The following GREB1L variants were observed in gnomAD, a reference collection of about 807,000 sequenced individuals.
GREB1L encodes GREB1-like protein.
Under a neutral mutation model 200.8 loss-of-function variants are expected in GREB1L, and 17 were observed. The observed-to-expected ratio is 0.08, with a 90% CI of 0.06 to 0.13. GREB1L has a LOEUF of 0.13. GREB1L is among the 10% of genes least tolerant of loss of function. The pLI is 1.00. For synonymous variants in GREB1L, 789 were observed against 893.0 expected, an observed-to-expected ratio of 0.88 and a Z score of 2.08; for missense variants, 1,657 against 2,367.7, an observed-to-expected ratio of 0.70 and a Z score of 6.23.
chr18:21,410,089 T>G (rs1017954175), intron 7 of GREB1L, among the ~76,000 whole-genome samples: 2 of 152,180 alleles, frequency 1.3e-5, no homozygotes, highest in African/African-American at 4.8e-5. Context: ...AGTACTGGTA[T>G]GTACTGTCTT....
chr18:21,390,146 T>C (rs1410320759), intron 4 of GREB1L, among the ~76,000 whole-genome samples: 1 of 152,194 alleles, frequency 6.6e-6, no homozygotes, highest in Non-Finnish European at 1.5e-5. Context: ...GTGATGCTGA[T>C]GTAAAGAAAC....
At chr18:21,248,283 T>C (rs548102882) in intron 1 of GREB1L, among the ~76,000 whole-genome samples, 2 of 152,184 alleles carry the variant, frequency 1.3e-5, no homozygotes, top group Non-Finnish European at 2.9e-5. Context: ...TTGTTGCCTT[T>C]TGGGGTTGTG....
rs1447076052 is a variant in GREB1L at position 21,518,185 on chromosome 18, T to G, written c.5423T>G (p.Phe1808Cys). The G allele has an allele frequency of 1.3e-6, 2 of 1,551,496 alleles. No homozygotes were observed. Among genetic ancestry groups the G allele is most frequent in the African/African-American group, 2.7e-5 (2 of 73,012 alleles). ...YKLFPKAIHN[F>C]RSPVLAIDCY... ...CTCTTCCCCAAAGCCATCCATAACT[T>G]CAGGAGTCCTGTGCTGGCCATTGAC... Residue 1808 changes from phenylalanine to cysteine, a missense_variant, in exon 31 of 33, where the codon TTC becomes TGC. Phe to Cys is a radical substitution (Grantham distance 205, BLOSUM62 -2). Transcript: ENST00000424526.
At chr18:21,383,419 A>G (rs1242038078) in intron 2 of GREB1L, 91 bp from the exon 3 acceptor site, 20 of 910,816 alleles carry the variant, frequency 2.2e-5, no homozygotes, top group Non-Finnish European at 3.0e-5. Context: ...ATATATGGAC[A>G]TAGTTTAAAT....
intron 1 of GREB1L, among the ~76,000 whole-genome samples, chr18:21,245,421 CAAAAG>C (rs1032311406): frequency 2.6e-5 from 4 of 152,062 alleles, no homozygotes; most frequent in Non-Finnish European, 5.9e-5. Context: ...CTGACAGAAA[CAAAAG>C]AAAATTCAAT....
intron 12 of GREB1L, among the ~76,000 whole-genome samples, chr18:21,450,386 A>G (rs1298993801): frequency 6.6e-6 from 1 of 152,090 alleles, no homozygotes. Context: ...TTTGGACTAC[A>G]TTTTGCTTCT....
At chr18:21,397,524 C>CAAAAAAAA (rs10719044) in intron 5 of GREB1L, among the ~76,000 whole-genome samples, 1 of 103,358 alleles carries the variant, frequency 9.7e-6, no homozygotes, top group African/African-American at 3.4e-5. Context: ...GACTCCGTCT[C>CAAAAAAAA]AAAAAAAAAA....
intron 1 of GREB1L, among the ~76,000 whole-genome samples, chr18:21,308,864 T>A (rs1214038211): frequency 6.6e-6 from 1 of 152,218 alleles, no homozygotes; most frequent in Non-Finnish European, 1.5e-5. Flanking sequence ...CTTGTTTAGT[T>A]GTGCCTGATG....
intron 17 of GREB1L, among the ~76,000 whole-genome samples, chr18:21,483,266 CAG>C (rs1026880804): frequency 6.6e-5 from 10 of 152,158 alleles, no homozygotes; most frequent in African/African-American, 1.7e-4. Context: ...CCCAAAGAAA[CAG>C]GGGCCAAGGG....
At chr18:21,314,491 T>C (rs1164285825) in intron 1 of GREB1L, among the ~76,000 whole-genome samples, 1 of 152,126 alleles carries the variant, frequency 6.6e-6, no homozygotes, top group African/African-American at 2.4e-5. Flanking sequence ...TAGGAAATGA[T>C]GGTAGCTTGA....
At chr18:21,412,051 C>CAAAAAAAA (rs962603456) in intron 7 of GREB1L, among the ~76,000 whole-genome samples, 4 of 30,498 alleles carry the variant, frequency 1.3e-4, no homozygotes, top group Admixed American at 3.5e-4. Flanking sequence ...GACTCCGTCT[C>CAAAAAAAA]AAAAAAAAAA....
At chr18:21,423,587 C>T (rs555987329) in intron 7 of GREB1L, among the ~76,000 whole-genome samples, 121 of 152,258 alleles carry the variant, frequency 7.9e-4, no homozygotes, top group African/African-American at 2.8e-3. Context: ...AGACCGGGCG[C>T]GTTCACTCAT....
intron 2 of GREB1L, among the ~76,000 whole-genome samples, chr18:21,376,881 C>T (rs1401877463): frequency 2.7e-5 from 4 of 150,180 alleles, no homozygotes; most frequent in Non-Finnish European, 5.9e-5. Context: ...TTGTATGTAT[C>T]TGGCTGACAT....
chr18:21,333,394 G>A (rs1318509420), intron 1 of GREB1L, among the ~76,000 whole-genome samples: 1 of 152,072 alleles, frequency 6.6e-6, no homozygotes, highest in Non-Finnish European at 1.5e-5. Flanking sequence ...GATTTCTAAG[G>A]CCGGGCATGG....
intron 27 of GREB1L, among the ~76,000 whole-genome samples, chr18:21,512,836 A>G (rs2037288556): frequency 6.6e-6 from 1 of 152,110 alleles, no homozygotes; most frequent in South Asian, 2.1e-4. Flanking sequence ...AATGCAAACT[A>G]TTACACACAC....
chr18:21,314,928 T>C (rs1279258380), intron 1 of GREB1L, among the ~76,000 whole-genome samples: 3 of 152,214 alleles, frequency 2.0e-5, no homozygotes, highest in African/African-American at 7.2e-5. Flanking sequence ...GTCAGCTTCC[T>C]GTCTTGAAAC....
At chr18:21,521,479 C>T (rs1274407205) in intron 32 of GREB1L, among the ~76,000 whole-genome samples, 2 of 151,940 alleles carry the variant, frequency 1.3e-5, no homozygotes, top group African/African-American at 2.4e-5. Flanking sequence ...AGGTTCAGAA[C>T]GCTGTGCAGC....
Position 21,524,553 on chromosome 18 carries a change from C to G in GREB1L, c.*1732C>G, listed in dbSNP as rs766663543. On this transcript the variant is annotated 3_prime_UTR_variant, in exon 33 of 33. Transcript: ENST00000424526. Reference sequence around the variant, plus strand: ...CTTGTTCCTGTTTTGTTGAAAGGGCCTAATGCAAATAATACCAAGAAACCC... The same window carrying G: ...CTTGTTCCTGTTTTGTTGAAAGGGCGTAATGCAAATAATACCAAGAAACCC... The G allele has an allele frequency of 6.6e-6, 1 of 152,030 alleles. No homozygotes were observed. The highest frequency in any genetic ancestry group is 1.5e-5 in the Non-Finnish European group (1 of 68,008). 9.4% of individuals were successfully genotyped at this position (152,030 alleles called of 1,614,324 possible). A position where few individuals can be genotyped will look rare whatever the true frequency, so the allele number is the denominator to read the frequency against.
At chr18:21,351,572 TAAA>T (rs577407216) in intron 1 of GREB1L, among the ~76,000 whole-genome samples, 2 of 138,572 alleles carry the variant, frequency 1.4e-5, no homozygotes, top group Non-Finnish European at 1.6e-5. Context: ...GACTTTGTCT[TAAA>T]AAAAAAAAAA....
Sources: allele counts gnomAD v4.1 joint callset (sites outside exome capture counted in the v4.1 genomes callset), GRCh38; gene constraint gnomAD v4.1.1; transcripts MANE v1.5; gene names NCBI Gene and HGNC (gene_info 2026-07-23, HGNC 2026-07-21).